The following CAMK2D variants were observed in gnomAD, a reference collection of about 807,000 sequenced individuals.
CAMK2D encodes calcium/calmodulin-dependent protein kinase type II subunit delta.
CAMK2D carries 37 observed loss-of-function variants against 84.0 expected under a neutral mutation model. The observed-to-expected ratio is 0.44, with a 90% CI of 0.34 to 0.58. CAMK2D has a LOEUF of 0.58. Among genes scored for constraint, CAMK2D ranks in the 20% least tolerant of loss-of-function variants. The pLI is 0.02. For missense variants in CAMK2D, 448 were observed against 652.5 expected, an observed-to-expected ratio of 0.69 and a Z score of 3.41; for synonymous variants, 202 against 212.5, an observed-to-expected ratio of 0.95 and a Z score of 0.43.
At chr4:113,598,816 C>A (rs774585005) in intron 4 of CAMK2D, among the ~76,000 whole-genome samples, 1 of 152,080 alleles carries the variant, frequency 6.6e-6, no homozygotes, top group African/African-American at 2.4e-5. Context: ...TACAAGCATG[C>A]ACCACCATGC....
chr4:113,514,952 T>C, intron 10 of CAMK2D, 117 bp downstream of exon 10: 1 of 1,000,628 alleles, frequency 1.0e-6, no homozygotes, highest in Non-Finnish European at 1.5e-6. Context: ...AGTCAAAAAT[T>C]CATTCATTCT....
At chr4:113,585,177 C>T (rs2098828151) in intron 4 of CAMK2D, among the ~76,000 whole-genome samples, 1 of 152,170 alleles carries the variant, frequency 6.6e-6, no homozygotes, top group South Asian at 2.1e-4. Flanking sequence ...ACATATTTAT[C>T]TCTGTGCATT....
intron 20 of CAMK2D, 55 bp from the exon 21 acceptor site, chr4:113,454,570 T>C: frequency 2.6e-6 from 2 of 773,664 alleles, no homozygotes; most frequent in Non-Finnish European, 4.8e-6. Flanking sequence ...CAAAATATCA[T>C]CAAATTGCTT....
intron 4 of CAMK2D, among the ~76,000 whole-genome samples, chr4:113,580,869 A>G (rs2098804909): frequency 7.1e-6 from 1 of 141,154 alleles, no homozygotes; most frequent in Admixed American, 7.8e-5. Context: ...AGAAGAAGTG[A>G]CCTTTCTGTT....
chr4:113,529,856 A>G (rs1334860943), intron 8 of CAMK2D, among the ~76,000 whole-genome samples: 3 of 152,228 alleles, frequency 2.0e-5, no homozygotes, highest in Admixed American at 2.0e-4. Context: ...GGCTGGATCC[A>G]TTGAGAAGAT....
At chr4:113,504,460 T>A (rs1481753269) in intron 14 of CAMK2D, among the ~76,000 whole-genome samples, 1 of 152,242 alleles carries the variant, frequency 6.6e-6, no homozygotes, top group African/African-American at 2.4e-5. Flanking sequence ...CCAGTGCCTC[T>A]TTATCTCAGA....
intron 3 of CAMK2D, among the ~76,000 whole-genome samples, chr4:113,648,368 G>A (rs1021177822): frequency 6.6e-6 from 1 of 152,150 alleles, no homozygotes; most frequent in Admixed American, 6.5e-5. Flanking sequence ...TCATCATTCT[G>A]TCTATGGCCC....
At chr4:113,530,411 C>A (rs1014919627) in intron 8 of CAMK2D, among the ~76,000 whole-genome samples, 1 of 152,174 alleles carries the variant, frequency 6.6e-6, no homozygotes, top group South Asian at 2.1e-4. Context: ...TGGCAATCAA[C>A]GTTGGCACTC....
At chr4:113,664,782 T>C (rs1233668423) in intron 2 of CAMK2D, among the ~76,000 whole-genome samples, 1 of 151,692 alleles carries the variant, frequency 6.6e-6, no homozygotes. Flanking sequence ...TTAGGGCATC[T>C]TAGAATTTGT....
chr4:113,704,002 C>A (rs1488289754), intron 2 of CAMK2D, among the ~76,000 whole-genome samples: 2 of 145,820 alleles, frequency 1.4e-5, no homozygotes, highest in African/African-American at 2.5e-5. Flanking sequence ...TACCTGAAAA[C>A]CTTTTTGCTT....
intron 2 of CAMK2D, among the ~76,000 whole-genome samples, chr4:113,738,083 C>T (rs966212176): frequency 3.3e-5 from 5 of 151,874 alleles, no homozygotes; most frequent in Non-Finnish European, 7.4e-5. Flanking sequence ...AACCAAATTG[C>T]GTATGGTCAT....
At chr4:113,488,621 AC>A (rs1247994063) in intron 16 of CAMK2D, among the ~76,000 whole-genome samples, 1 of 152,218 alleles carries the variant, frequency 6.6e-6, no homozygotes, top group African/African-American at 2.4e-5. Context: ...AAATCTTACA[AC>A]ATATATATGC....
At chr4:113,669,172 T>C (rs1427026773) in intron 2 of CAMK2D, among the ~76,000 whole-genome samples, 2 of 152,224 alleles carry the variant, frequency 1.3e-5, no homozygotes, top group Admixed American at 6.5e-5. Context: ...TCTTGTTCAG[T>C]TGCAATTTAA....
At chr4:113,721,886 A>G (rs2099531638) in intron 2 of CAMK2D, among the ~76,000 whole-genome samples, 1 of 152,142 alleles carries the variant, frequency 6.6e-6, no homozygotes, top group Non-Finnish European at 1.5e-5. Flanking sequence ...TTGTTCACCA[A>G]AAATAACCCA....
At chr4:113,533,014 C>G (rs528808978) in intron 7 of CAMK2D, among the ~76,000 whole-genome samples, 7 of 152,008 alleles carry the variant, frequency 4.6e-5, no homozygotes, top group African/African-American at 1.4e-4. Context: ...CTGTCTAAAT[C>G]AGTAAACTTT....
chr4:113,487,298 C>A (rs913620845), intron 16 of CAMK2D, among the ~76,000 whole-genome samples: 4 of 151,918 alleles, frequency 2.6e-5, no homozygotes, highest in Admixed American at 2.6e-4. Context: ...AAATCCATAG[C>A]AGAAAATAAA....
intron 6 of CAMK2D, among the ~76,000 whole-genome samples, chr4:113,542,519 T>C (rs2098537245): frequency 1.3e-5 from 2 of 152,016 alleles, no homozygotes; most frequent in Non-Finnish European, 2.9e-5. Context: ...ATCAACACCA[T>C]CCTGGCTAAC....
At chr4:113,462,737 A>C (rs1421637634) in intron 17 of CAMK2D, among the ~76,000 whole-genome samples, 1 of 152,192 alleles carries the variant, frequency 6.6e-6, no homozygotes, top group East Asian at 1.9e-4. Context: ...ATTTAGAAAG[A>C]ATATAAAAGA....
chr4:113,468,012 A>G (rs1451665861), intron 16 of CAMK2D, among the ~76,000 whole-genome samples: 3 of 152,066 alleles, frequency 2.0e-5, no homozygotes, highest in East Asian at 1.9e-4. Flanking sequence ...AACATGGCCA[A>G]TTTGAAATGA....
Sources: allele counts gnomAD v4.1 joint callset (sites outside exome capture counted in the v4.1 genomes callset), GRCh38; gene constraint gnomAD v4.1.1; transcripts MANE v1.5; gene names NCBI Gene and HGNC (gene_info 2026-07-23, HGNC 2026-07-21).